PSKH1: variants seen among roughly 807,000 people sequenced by gnomAD.
The protein encoded by PSKH1 is protein serine kinase H1, also known as serine/threonine-protein kinase H1.
Under a neutral mutation model 26.7 loss-of-function variants are expected in PSKH1, and 12 were observed. The observed-to-expected ratio is 0.45, with a 90% CI of 0.29 to 0.73. The LOEUF (loss-of-function observed/expected upper bound fraction) is 0.73. Ranked by LOEUF, PSKH1 falls within the 30% of genes least tolerant of loss-of-function variation. The pLI, the probability that PSKH1 is intolerant of heterozygous loss-of-function variation, is 0.11. For synonymous variants in PSKH1, 213 were observed against 234.3 expected (o/e 0.91, Z 0.83); for missense variants, 431 against 595.2 (o/e 0.72, Z 2.87).
chr16:67,913,264 A>G (rs1363592722), intron 2 of PSKH1, among the ~76,000 whole-genome samples: 3 of 150,176 alleles, frequency 2.0e-5, no homozygotes, highest in Non-Finnish European at 4.4e-5. Context: ...CTCCCGCCTC[A>G]GCCTCCCGAG....
At chr16:67,904,016 ATT>A (rs58819890) in intron 1 of PSKH1, among the ~76,000 whole-genome samples, 14 of 126,428 alleles carry the variant, frequency 1.1e-4, no homozygotes, top group Admixed American at 2.4e-4. Context: ...TACCCAGCTG[ATT>A]TTTTTTTTTT....
intron 2 of PSKH1, among the ~76,000 whole-genome samples, chr16:67,917,487 C>T (rs2058190904): frequency 6.6e-6 from 1 of 152,232 alleles, no homozygotes; most frequent in Non-Finnish European, 1.5e-5. Context: ...AGGCTTAGTG[C>T]ACAGTGGTAC....
intron 1 of PSKH1, among the ~76,000 whole-genome samples, chr16:67,896,670 A>G (rs948709121): frequency 6.6e-6 from 1 of 150,490 alleles, no homozygotes; most frequent in Non-Finnish European, 1.5e-5. Flanking sequence ...AGCCTCCCGC[A>G]ATATGGTGCC....
intron 1 of PSKH1, chr16:67,903,191 C>T (rs2058146503): frequency 6.6e-6 from 1 of 152,080 alleles, no homozygotes; most frequent in Non-Finnish European, 1.5e-5. Flanking sequence ...TTCTGTCTCC[C>T]AGGCTGGAAT....
At chr16:67,913,272 G>A (rs551028023) in intron 2 of PSKH1, among the ~76,000 whole-genome samples, 25 of 151,890 alleles carry the variant, frequency 1.6e-4, no homozygotes, top group African/African-American at 5.3e-4. Flanking sequence ...TCAGCCTCCC[G>A]AGTAGCTGGG....
chr16:67,896,497 A>G (rs1007838192), intron 1 of PSKH1, among the ~76,000 whole-genome samples: 15 of 139,026 alleles, frequency 1.1e-4, no homozygotes, highest in Non-Finnish European at 1.9e-4. Context: ...CCTCAAGGTC[A>G]TTTCTGGTCA....
Position 67,916,051 on chromosome 16 carries a change from G to T in PSKH1, c.957+6345G>T, listed in dbSNP as rs527354028. On this transcript the variant is annotated intron_variant, in intron 2 of 2. Transcript: ENST00000291041. Reference sequence around the variant, plus strand: ...GGCAGTCTGGAACATGGACTATGGTGCTCAGGTCAGGTGGTTGGGCCCTGA... The same window carrying T: ...GGCAGTCTGGAACATGGACTATGGTTCTCAGGTCAGGTGGTTGGGCCCTGA... 3.3e-5 allele frequency among the ~76,000 whole-genome samples: 5 copies of T among 152,326 alleles called. No homozygotes were observed. In the East Asian group the frequency reaches 9.6e-4, roughly 29 times the overall value.
intron 2 of PSKH1, chr16:67,910,086 G>A (rs746790066): frequency 2.4e-6 from 1 of 421,658 alleles, no homozygotes; most frequent in Admixed American, 3.9e-5. Flanking sequence ...GAGCAGGAAC[G>A]TGAGTTTCTT....
At position 67,908,889 on chromosome 16, in the gene PSKH1, C is replaced by G; in HGVS notation, c.140C>G (p.Pro47Arg). ...ATCACAGAGGTGGACAGTGTTGGCC[C>G]TGTCAAAGCCGGGTTCCCAGCAGCA... Reference protein sequence around the residue: ...HFITEVDSVGPVKAGFPAASQ... With the variant: ...HFITEVDSVGRVKAGFPAASQ... The change falls in exon 2 of 3, where the codon CCT becomes CGT. Residue 47 changes from proline to arginine, a missense_variant. Transcript: ENST00000291041. The G allele has an allele frequency of 6.2e-7, 1 of 1,614,198 alleles. No individual in the cohort carries two copies. Among genetic ancestry groups the G allele is most frequent in the Non-Finnish European group, 8.5e-7 (1 of 1,180,052 alleles).
intron 1 of PSKH1, among the ~76,000 whole-genome samples, chr16:67,898,624 T>G (rs1264688647): frequency 6.6e-6 from 1 of 150,970 alleles, no homozygotes; most frequent in Non-Finnish European, 1.5e-5. Context: ...TTTCTTTCTT[T>G]CTTTTTTTTT....
At chr16:67,913,956 G>A (rs2151313278) in intron 2 of PSKH1, among the ~76,000 whole-genome samples, 1 of 152,228 alleles carries the variant, frequency 6.6e-6, no homozygotes. Context: ...GCTGTGAGGA[G>A]TCAGACCAAG....
intron 1 of PSKH1, among the ~76,000 whole-genome samples, chr16:67,906,895 T>C (rs1310266562): frequency 6.6e-6 from 1 of 152,034 alleles, no homozygotes; most frequent in Non-Finnish European, 1.5e-5. Context: ...GGAAGCAAGA[T>C]ACCCTGATCT....
At position 67,913,468 on chromosome 16, in the gene PSKH1, A is replaced by T. The variant is rs534461203; in HGVS notation, c.957+3762A>T. On this transcript the variant is annotated intron_variant, in intron 2 of 2. Coordinates refer to ENST00000291041, the MANE Select transcript of PSKH1 (RefSeq NM_006742.3). Reference sequence around the variant, plus strand: ...TGGCCAAGACCCTGTCTTAAAAAAAATTTTTTTTTTTAAAAAGCCTGTCCT... The same window carrying T: ...TGGCCAAGACCCTGTCTTAAAAAAATTTTTTTTTTTTAAAAAGCCTGTCCT... 1.3e-3 allele frequency among the ~76,000 whole-genome samples: 191 copies of T among 150,088 alleles called. 1 individual carries two copies. Among genetic ancestry groups the T allele is most frequent in the Admixed American group, 5.0e-3 (75 of 15,022 alleles).
At chr16:67,900,572 T>C (rs1246028116) in intron 1 of PSKH1, among the ~76,000 whole-genome samples, 4 of 152,118 alleles carry the variant, frequency 2.6e-5, no homozygotes, top group South Asian at 2.1e-4. Flanking sequence ...GAGCCCCAGA[T>C]GGGGAACTAG....
rs539162177 is a variant in PSKH1, at chr16:67,896,979, A to G, written c.-71+3608A>G. Among the ~76,000 whole-genome samples the G allele has an allele frequency of 4.0e-4, 61 of 152,220 alleles. 1 individual carries two copies. The South Asian group carries it at 0.012, about 30-fold the overall frequency. On this transcript the variant is annotated intron_variant, in intron 1 of 2. Transcript: ENST00000291041. ...TCACAAGTTCATAGTTAAATGAGTG[A>G]GACTTTGGTTTGGCCTTCTGTTTTA...
At chr16:67,926,069 G>A (rs2151315508) in intron 2 of PSKH1, among the ~76,000 whole-genome samples, 1 of 152,270 alleles carries the variant, frequency 6.6e-6, no homozygotes, top group East Asian at 1.9e-4. Context: ...AGGGTACCAT[G>A]GGTGGAACAG....
chr16:67,905,504 G>A (rs913069506), intron 1 of PSKH1, among the ~76,000 whole-genome samples: 3 of 152,088 alleles, frequency 2.0e-5, no homozygotes, highest in South Asian at 2.1e-4. Context: ...TCCTAACCCC[G>A]ACTTCACTCT....
rs184129265 is a variant in PSKH1 at position 67,898,695 on chromosome 16, C to T, written c.-71+5324C>T. 1.2e-3 allele frequency among the ~76,000 whole-genome samples: 176 copies of T among 150,964 alleles called. 1 individual carries two copies. Among genetic ancestry groups the T allele is most frequent in the African/African-American group, 4.0e-3 (164 of 41,078 alleles). On this transcript the variant is annotated intron_variant, in intron 1 of 2. Transcript: ENST00000291041. ...CTGGAGTGCAGTGGCGCGATCTCAG[C>T]TCACTGCAACCTCTGCCTTCCGGGT...
chr16:67,921,292 T>A (rs2058201682), intron 2 of PSKH1, among the ~76,000 whole-genome samples: 3 of 142,518 alleles, frequency 2.1e-5, no homozygotes, highest in South Asian at 4.5e-4. Context: ...AAAAAAAAAA[T>A]AATGCCAGGT....
Sources: allele counts gnomAD v4.1 joint callset (sites outside exome capture counted in the v4.1 genomes callset), GRCh38; gene constraint gnomAD v4.1.1; transcripts MANE v1.5; gene names NCBI Gene and HGNC (gene_info 2026-07-23, HGNC 2026-07-21).